Variants in OSCP1 observed in about 807,000 individuals in gnomAD.
OSCP1 encodes organic solute carrier partner 1, also known as protein OSCP1.
A neutral mutation model predicts 45.1 loss-of-function variants in OSCP1; 35 were observed. The ratio of observed to expected loss-of-function variants is 0.78; its 90% CI spans 0.59 to 1.03. The LOEUF is 1.03. OSCP1 is among the 50% of genes least tolerant of loss of function. OSCP1 has a pLI of 0.00. For missense variants in OSCP1, 400 were observed against 470.7 expected (o/e 0.85, Z 1.39); for synonymous variants, 179 against 180.1 (o/e 0.99, Z 0.05).
chr1:36,427,637 G>T (rs367980390), intron 4 of OSCP1, among the ~76,000 whole-genome samples: 3 of 152,120 alleles, frequency 2.0e-5, no homozygotes, highest in Non-Finnish European at 4.4e-5. Context: ...TCATTATAAT[G>T]AATTTTATCT....
chr1:36,417,995 G>A lies in OSCP1; in HGVS notation c.*144C>T. 1 of 627,920 alleles carries A rather than the reference G, an allele frequency of 1.6e-6. No homozygotes were observed. The highest frequency in any genetic ancestry group is 3.0e-5 in the Admixed American group (1 of 33,410). The allele number at this position is 627,920 out of a possible 1,614,324, so 38.9% of individuals were successfully genotyped here. A position where few individuals can be genotyped will look rare whatever the true frequency, so the allele number is the denominator to read the frequency against. ...GTGCTCCTCAAGGGAGACTCACACA[G>A]TTCCTTACAACATAAATAAGAAATA... is the stretch of plus-strand genomic sequence containing the variant. On this transcript the variant is annotated 3_prime_UTR_variant, in exon 10 of 10. Coordinates refer to ENST00000235532, the MANE Select transcript of OSCP1 (RefSeq NM_145047.5).
Position 36,422,778 on chromosome 1 carries a change from C to A in OSCP1, c.739G>T (p.Gly247Ter). Residue 247 changes from glycine (G) to a stop codon, truncating the protein, a stop_gained, in exon 6 of 10, where the codon GGA becomes TGA. Coordinates refer to ENST00000235532, the MANE Select transcript of OSCP1 (RefSeq NM_145047.5). LOFTEE classifies it high-confidence loss of function. ...GAAGAATTTGCTTACATGTTAGTTC[C>A]CAGTTTCAGGACTCGGTCTCCATAA... is the stretch of plus-strand genomic sequence containing the variant. ...ELYGDRVLKLGTNMYSVNQPV... is the reference protein window; with the variant it reads ...ELYGDRVLKL 1 of 1,588,050 alleles carries A rather than the reference C, an allele frequency of 6.3e-7. No homozygotes were observed. The highest frequency in any genetic ancestry group is 8.6e-7 in the Non-Finnish European group (1 of 1,165,150).
At chr1:36,430,073 A>G (rs949151929) in intron 4 of OSCP1, among the ~76,000 whole-genome samples, 1 of 152,206 alleles carries the variant, frequency 6.6e-6, no homozygotes, top group African/African-American at 2.4e-5. Flanking sequence ...CTGGGATTAC[A>G]GGCGTGAGCC....
Position 36,438,823 on chromosome 1 carries a change from A to G in OSCP1, c.200T>C (p.Leu67Pro). 1.2e-6 allele frequency: 2 copies of G among 1,614,234 alleles called. No individual in the cohort carries two copies. The highest frequency in any genetic ancestry group is 1.3e-5 in the African/African-American group (1 of 75,062). ...KPQELYSKKALRTVYERLAHA... is the reference protein window; with the variant it reads ...KPQELYSKKAPRTVYERLAHA... ...AGCCAGGCGCTCATAGACAGTCCTC[A>G]GGGCCTTCTTGGAGTAGAGCTCTTG... Residue 67 changes from leucine (L) to proline (P), a missense_variant, in exon 2 of 10, where the codon CTG becomes CCG. Transcript: ENST00000235532.
intron 7 of OSCP1, among the ~76,000 whole-genome samples, chr1:36,421,550 GTTGT>G (rs1386410248): frequency 3.3e-5 from 5 of 152,174 alleles, no homozygotes; most frequent in African/African-American, 1.2e-4. Context: ...CCTCATTTGA[GTTGT>G]TTCTTTCACC....
At chr1:36,445,521 T>A (rs1649464807) in intron 1 of OSCP1, among the ~76,000 whole-genome samples, 2 of 152,228 alleles carry the variant, frequency 1.3e-5, no homozygotes, top group Non-Finnish European at 2.9e-5. Flanking sequence ...GCATGGCCAG[T>A]GCCATGTCCT....
At chr1:36,445,174 A>T (rs1649440474) in intron 1 of OSCP1, among the ~76,000 whole-genome samples, 1 of 152,192 alleles carries the variant, frequency 6.6e-6, no homozygotes, top group African/African-American at 2.4e-5. Flanking sequence ...ACATGGTGAA[A>T]CCTCATCTCT....
At position 36,418,236 on chromosome 1, in the gene OSCP1, T is replaced by A. The variant is rs771495318; in HGVS notation, c.1043A>T (p.Glu348Val). ...AAACTCCCCCATGATTCGAGCCAGC[T>A]CCTCGCTCCGTTGCTGGTCCTATGA... ...QATQDQQRSEELARIMGEFEI... is the reference protein window; with the variant it reads ...QATQDQQRSEVLARIMGEFEI... The change falls in exon 10 of 10, where the codon GAG becomes GTG. Residue 348 changes from glutamate to valine, a missense_variant. Glu to Val is a moderately radical substitution (Grantham distance 121). Transcript: ENST00000235532. The A allele has an allele frequency of 2.5e-6, 4 of 1,614,178 alleles. No homozygotes were observed. The highest frequency in any genetic ancestry group is 3.4e-6 in the Non-Finnish European group (4 of 1,180,032).
Position 36,438,761 on chromosome 1 carries a change from C to G in OSCP1, c.262G>C (p.Asp88His). The G allele has an allele frequency of 6.2e-7, 1 of 1,603,944 alleles. No individual in the cohort carries two copies. Among genetic ancestry groups the G allele is most frequent in the Non-Finnish European group, 8.5e-7 (1 of 1,175,948 alleles). The change falls in exon 2 of 10, where the codon GAT becomes CAT. Residue 88 changes from aspartate to histidine, a missense_variant. Asp to His is a moderately conservative substitution (Grantham distance 81). Coordinates refer to ENST00000235532, the MANE Select transcript of OSCP1 (RefSeq NM_145047.5). Reference sequence around the variant, plus strand: ...AAAGGCAGCTGTCTGCTCACCTTATCCATGCTGGCCTGGTTCAGTTTCATA... The same window carrying G: ...AAAGGCAGCTGTCTGCTCACCTTATGCATGCTGGCCTGGTTCAGTTTCATA... ...SIMKLNQASMDKLYDLMTMAF... is the reference protein window; with the variant it reads ...SIMKLNQASMHKLYDLMTMAF...
intron 4 of OSCP1, among the ~76,000 whole-genome samples, chr1:36,427,199 A>C: frequency 6.8e-6 from 1 of 146,872 alleles, no homozygotes; most frequent in East Asian, 2.0e-4. Context: ...ATGGGGTTTC[A>C]CCATCTTGGC....
intron 5 of OSCP1, among the ~76,000 whole-genome samples, 192 bp from the exon 6 acceptor site, chr1:36,423,088 T>A (rs1647750876): frequency 6.6e-6 from 1 of 152,210 alleles, no homozygotes; most frequent in South Asian, 2.1e-4. Context: ...AATTGCTTTG[T>A]AAGCACGTTA....
intron 1 of OSCP1, 39 bp downstream of exon 1, chr1:36,450,219 T>G: frequency 6.5e-7 from 1 of 1,543,902 alleles, no homozygotes; most frequent in Admixed American, 1.7e-5. Flanking sequence ...GCCGGGCTGC[T>G]GGCTGCGGGT....
chr1:36,422,691 G>C (rs1345254417), intron 6 of OSCP1, 77 bp downstream of exon 6: 14 of 1,310,010 alleles, frequency 1.1e-5, no homozygotes, highest in Non-Finnish European at 1.4e-5. Flanking sequence ...GCAGAAGTCT[G>C]GCTGTTTCTC....
intron 7 of OSCP1, 174 bp downstream of exon 7, chr1:36,421,976 C>CATTTAAAAAGCTA: frequency 1.6e-6 from 1 of 634,852 alleles, no homozygotes; most frequent in Admixed American, 2.9e-5. Flanking sequence ...CTGGAAGTCT[C>CATTTAAAAAGCTA]CATGAAAAGC....
intron 2 of OSCP1, among the ~76,000 whole-genome samples, chr1:36,437,431 G>A (rs1648820071): frequency 6.6e-6 from 1 of 152,138 alleles, no homozygotes; most frequent in African/African-American, 2.4e-5. Flanking sequence ...AAAAATATCT[G>A]GTTTCTACAT....
At chr1:36,440,835 G>A (rs1388614394) in intron 1 of OSCP1, 6 of 152,204 alleles carry the variant, frequency 3.9e-5, no homozygotes, top group Non-Finnish European at 7.3e-5. Flanking sequence ...CAGGGAGGAG[G>A]AGTGCCAAAG....
chr1:36,434,151 G>A (rs567995225), intron 2 of OSCP1, among the ~76,000 whole-genome samples: 1 of 152,044 alleles, frequency 6.6e-6, no homozygotes, highest in African/African-American at 2.4e-5. Context: ...GAAGATGGAC[G>A]GTTAACTTAA....
rs16823007 is a variant in OSCP1, at chr1:36,447,400, C to G, written c.112+2858G>C. On this transcript the variant is annotated intron_variant, in intron 1 of 9. Coordinates refer to ENST00000235532, the MANE Select transcript of OSCP1 (RefSeq NM_145047.5). The surrounding 1 kb of genome is among the most constrained non-coding windows in gnomAD (Gnocchi z 4.1). ...TCTCCTCCTGACCTACCAACCCCCA[C>G]TAAGATTCTGATATAGTCCCCAAGG... Among the ~76,000 whole-genome samples, 15,650 of 152,236 alleles carry G rather than the reference C, an allele frequency of 0.1. 962 individuals are homozygous for G. The highest frequency in any genetic ancestry group is 0.29 in the East Asian group (1,520 of 5,172).
intron 8 of OSCP1, among the ~76,000 whole-genome samples, chr1:36,420,040 G>C (rs1200280166): frequency 6.7e-6 from 1 of 150,288 alleles, no homozygotes; most frequent in African/African-American, 2.5e-5. Context: ...CAATGGTGCA[G>C]TCTTGGCTCA....
Sources: gnomAD v4.1 joint callset for allele counts (sites outside exome capture counted in the v4.1 genomes callset) on GRCh38, gnomAD v4.1.1 for gene constraint, Gnocchi (gnomAD v3.1) non-coding constraint, MANE v1.5 for transcripts, NCBI Gene and HGNC (gene_info 2026-07-23, HGNC 2026-07-21) for gene names.